The following FAM234A variants were observed in gnomAD, a reference collection of about 807,000 sequenced individuals.
The protein encoded by FAM234A is protein FAM234A.
FAM234A carries 42 observed loss-of-function variants against 49.1 expected under a neutral mutation model. That is an observed-to-expected ratio of 0.86 (90% CI 0.67 to 1.11). FAM234A has a LOEUF of 1.11. FAM234A is among the 50% of genes least tolerant of loss of function. The pLI is 0.00. For synonymous variants in FAM234A, 369 were observed against 316.2 expected, an observed-to-expected ratio of 1.17 and a Z score of -1.77; for missense variants, 815 against 745.2, an observed-to-expected ratio of 1.09 and a Z score of -1.09.
At chr16:268,751 G>A (rs549474512), downstream of FAM234A, 162 of 1,545,976 alleles carry the variant, frequency 1.0e-4, 1 homozygote, top group African/African-American at 1.9e-3. Flanking sequence ...GCCTCAGCAC[G>A]GCACTCTCTT....
intron 1 of FAM234A, among the ~76,000 whole-genome samples, chr16:241,721 T>C (rs981256603): frequency 6.6e-6 from 1 of 151,774 alleles, no homozygotes; most frequent in Non-Finnish European, 1.5e-5. Flanking sequence ...ATCGAGACCA[T>C]CCTGGCTAAC....
chr16:238,151 T>C (rs1160905969), intron 1 of FAM234A, among the ~76,000 whole-genome samples: 1 of 152,162 alleles, frequency 6.6e-6, no homozygotes, highest in East Asian at 1.9e-4. Context: ...CCTGAGTAGC[T>C]GAGATTACAG....
downstream of FAM234A, chr16:268,658 C>A: frequency 9.6e-7 from 1 of 1,043,802 alleles, no homozygotes; most frequent in South Asian, 1.5e-5. Context: ...AAAGCAGGTG[C>A]CGGCGCACCT....
At chr16:260,285 A>C (rs2051408285) in intron 5 of FAM234A, 125 bp downstream of exon 5, 6 of 913,470 alleles carry the variant, frequency 6.6e-6, no homozygotes, top group Non-Finnish European at 8.6e-6. Context: ...GCTGGATGGG[A>C]AGGAAGGTTA....
At chr16:266,175 C>T, downstream of FAM234A, 1 of 879,142 alleles carries the variant, frequency 1.1e-6, no homozygotes, top group Non-Finnish European at 1.4e-6. Flanking sequence ...TGGATTTGTT[C>T]CTGGAGGAGT....
At chr16:247,934 C>T (rs532387455) in intron 1 of FAM234A, among the ~76,000 whole-genome samples, 1 of 152,194 alleles carries the variant, frequency 6.6e-6, no homozygotes, top group African/African-American at 2.4e-5. Flanking sequence ...CCCATGGAGG[C>T]ACTGCGGGGC....
intron 1 of FAM234A, among the ~76,000 whole-genome samples, chr16:239,425 A>C (rs1178239084): frequency 2.7e-5 from 4 of 150,836 alleles, no homozygotes; most frequent in Non-Finnish European, 5.9e-5. Context: ...CATCCTGGCT[A>C]ACGTGGTGAA....
At chr16:243,844 G>A (rs185751197) in intron 1 of FAM234A, among the ~76,000 whole-genome samples, 1 of 152,260 alleles carries the variant, frequency 6.6e-6, no homozygotes, top group African/African-American at 2.4e-5. Context: ...CATTTTCATT[G>A]TCACCACATT....
chr16:266,890 A>G (rs947187821), downstream of FAM234A, among the ~76,000 whole-genome samples: 5 of 151,944 alleles, frequency 3.3e-5, no homozygotes, highest in Non-Finnish European at 7.4e-5. Flanking sequence ...CCCTGACAGC[A>G]CGGGAGGGAG....
chr16:262,401 G>A (rs756227470), intron 7 of FAM234A, 23 bp from the exon 8 acceptor site: 27 of 1,580,692 alleles, frequency 1.7e-5, no homozygotes, highest in Middle Eastern at 1.7e-4. Context: ...TGGTGACCTC[G>A]GGCCCTTCTG....
chr16:250,718 C>T (rs1255777178), intron 2 of FAM234A, among the ~76,000 whole-genome samples: 4 of 152,106 alleles, frequency 2.6e-5, no homozygotes, highest in Non-Finnish European at 2.9e-5. Flanking sequence ...CAGTCATTCC[C>T]GACTCTCCCT....
At position 265,787 on chromosome 16, in the gene FAM234A, G is replaced by A; in HGVS notation, c.*765G>A. On this transcript the variant is annotated 3_prime_UTR_variant, in exon 13 of 13. Coordinates refer to ENST00000399932, the MANE Select transcript of FAM234A (RefSeq NM_032039.4). ...TGAATATCCCAAGGAACTGGCTGTG[G>A]AATGCGTGTTTGGGTCAGTCTGTGC... 2 of 985,738 alleles carry A rather than the reference G, an allele frequency of 2.0e-6. No homozygotes were observed. Among genetic ancestry groups the A allele is most frequent in the Non-Finnish European group, 2.4e-6 (2 of 830,114 alleles). The allele number at this position is 985,738 out of a possible 1,614,324, so 61.1% of individuals were successfully genotyped here. A position where few individuals can be genotyped will look rare whatever the true frequency, so the allele number is the denominator to read the frequency against.
In FAM234A at chr16:252,143, A is replaced by G. The variant is rs1347792306; in HGVS notation, c.-33-2238A>G. On this transcript the variant is annotated intron_variant, in intron 2 of 12. Transcript: ENST00000399932. The stretch of plus-strand genomic sequence containing the variant: ...CTCCCAAAGTACTGGCATTACAGGC[A>G]TGAGCCACCGTGCTGGCCATGTCTC... Among the ~76,000 whole-genome samples the G allele has an allele frequency of 2.7e-5, 4 of 150,374 alleles. No individual in the cohort carries two copies. In the East Asian group the frequency reaches 7.8e-4, roughly 29 times the overall value.
intron 2 of FAM234A, among the ~76,000 whole-genome samples, chr16:250,190 C>G (rs1224113349): frequency 6.6e-6 from 1 of 152,226 alleles, no homozygotes; most frequent in Non-Finnish European, 1.5e-5. Flanking sequence ...CTCGGCCTCT[C>G]AAAGTGCTGG....
chr16:265,759 C>T lies in FAM234A; in HGVS notation c.*737C>T. ...TGCAGCTGTCTACTGGCTGCATGTG[C>T]TGTGAATATCCCAAGGAACTGGCTG... On this transcript the variant is annotated 3_prime_UTR_variant, in exon 13 of 13. Coordinates refer to ENST00000399932, the MANE Select transcript of FAM234A (RefSeq NM_032039.4). 2 of 985,742 alleles carry T rather than the reference C, an allele frequency of 2.0e-6. No homozygotes were observed. The highest frequency in any genetic ancestry group is 2.4e-6 in the Non-Finnish European group (2 of 830,178). The allele number at this position is 985,742 out of a possible 1,614,324, so 61.1% of individuals were successfully genotyped here.
At chr16:250,007 G>A (rs112877155) in intron 2 of FAM234A, among the ~76,000 whole-genome samples, 7,431 of 152,098 alleles carry the variant, frequency 0.049, 260 homozygotes, top group Non-Finnish European at 0.077. Flanking sequence ...GTGCAGTGGC[G>A]CGATCTCGGC....
chr16:251,698 T>TTG (rs2051019062), intron 2 of FAM234A, among the ~76,000 whole-genome samples: 1 of 145,706 alleles, frequency 6.9e-6, no homozygotes, highest in African/African-American at 2.6e-5. Context: ...TTTTTTTTTT[T>TTG]TTTTTTTTAA....
intron 1 of FAM234A, among the ~76,000 whole-genome samples, chr16:240,502 A>ATTT (rs11341453): frequency 2.3e-5 from 3 of 131,956 alleles, no homozygotes; most frequent in African/African-American, 9.1e-5. Context: ...ATCTGGGTGT[A>ATTT]TTTTTTTTTT....
chr16:235,208 T>G (rs1432104577), intron 1 of FAM234A, among the ~76,000 whole-genome samples: 2 of 152,156 alleles, frequency 1.3e-5, no homozygotes, highest in Non-Finnish European at 2.9e-5. Context: ...GCAGCGTAGG[T>G]GAGCCGGCCG....
Sources: allele counts gnomAD v4.1 joint callset (sites outside exome capture counted in the v4.1 genomes callset), GRCh38; gene constraint gnomAD v4.1.1; transcripts MANE v1.5; gene names NCBI Gene and HGNC (gene_info 2026-07-23, HGNC 2026-07-21).